Variants in DEFB106B observed in about 807,000 individuals in gnomAD.
The protein encoded by DEFB106B is beta-defensin 106.
intron 1 of DEFB106B, among the ~76,000 whole-genome samples, chr8:7,484,497 G>A (rs182148447): frequency 0.11 from 9,313 of 86,890 alleles, 326 homozygotes; most frequent in African/African-American, 0.17. Context: ...TGTATACTAT[G>A]CTATATACTA....
chr8:7,484,215 T>G (rs1270848047), intron 1 of DEFB106B, among the ~76,000 whole-genome samples: 1 of 137,024 alleles, frequency 7.3e-6, no homozygotes, highest in African/African-American at 2.7e-5. Flanking sequence ...TATACTAGTG[T>G]ATTATACTAG....
At chr8:7,484,470 A>T (rs1191707846) in intron 1 of DEFB106B, among the ~76,000 whole-genome samples, 1 of 140,188 alleles carries the variant, frequency 7.1e-6, no homozygotes, top group Non-Finnish European at 1.5e-5. Flanking sequence ...GCTATATACT[A>T]GAGTATTATA....
intron 1 of DEFB106B, among the ~76,000 whole-genome samples, chr8:7,484,405 T>C (rs1441496023): frequency 1.3e-5 from 2 of 148,332 alleles, no homozygotes; most frequent in African/African-American, 5.0e-5. Context: ...TTGTGTATTA[T>C]ACTAGTATAT....
chr8:7,485,928 AC>A (rs1445386834), intron 1 of DEFB106B, among the ~76,000 whole-genome samples: 58 of 110,418 alleles, frequency 5.3e-4, no homozygotes, highest in African/African-American at 1.9e-3. Context: ...AGTCCAAGTT[AC>A]GCTGCTTTAC....
chr8:7,484,865 C>A (rs1456251008), intron 1 of DEFB106B, among the ~76,000 whole-genome samples: 6 of 46,688 alleles, frequency 1.3e-4, no homozygotes, highest in African/African-American at 5.0e-4. Context: ...GAGTGAGACT[C>A]TATCTCAAAA....
intron 1 of DEFB106B, among the ~76,000 whole-genome samples, chr8:7,484,291 AT>A (rs1274534331): frequency 3.5e-5 from 5 of 143,918 alleles, no homozygotes; most frequent in Non-Finnish European, 4.5e-5. Context: ...ATGCTAGAGT[AT>A]TATACTAGTA....
At chr8:7,484,444 C>G (rs1429471771) in intron 1 of DEFB106B, among the ~76,000 whole-genome samples, 1 of 144,644 alleles carries the variant, frequency 6.9e-6, no homozygotes, top group South Asian at 2.2e-4. Flanking sequence ...GAGTATTATA[C>G]TAGTATGTAT....
chr8:7,483,824 G>C (rs1239872523), intron 1 of DEFB106B, among the ~76,000 whole-genome samples: 1 of 132,880 alleles, frequency 7.5e-6, no homozygotes, highest in African/African-American at 3.0e-5. Flanking sequence ...TAGTATCATA[G>C]TATAGATTAG....
At chr8:7,484,535 T>TA (rs1811416707) in intron 1 of DEFB106B, among the ~76,000 whole-genome samples, 1 of 122,812 alleles carries the variant, frequency 8.1e-6, no homozygotes, top group Non-Finnish European at 1.7e-5. Flanking sequence ...ATATACTATA[T>TA]TACATACTAG....
chr8:7,483,902 T>C (rs1811374308), intron 1 of DEFB106B, among the ~76,000 whole-genome samples: 3 of 131,342 alleles, frequency 2.3e-5, no homozygotes, highest in Admixed American at 1.6e-4. Flanking sequence ...AGTATTATAC[T>C]AGTATATATA....
intron 1 of DEFB106B, among the ~76,000 whole-genome samples, chr8:7,484,327 T>C (rs1811400880): frequency 1.3e-5 from 2 of 148,280 alleles, no homozygotes. Context: ...TATACTAGTG[T>C]ATGTACTAGT....
At chr8:7,483,855 GTAT>G (rs1811372619) in intron 1 of DEFB106B, among the ~76,000 whole-genome samples, 2 of 132,982 alleles carry the variant, frequency 1.5e-5, no homozygotes, top group Admixed American at 7.8e-5. Context: ...AAAAATACTA[GTAT>G]TATAGTATAT....
chr8:7,482,957 C>T (rs1448090953), intron 1 of DEFB106B, among the ~76,000 whole-genome samples: 3 of 148,718 alleles, frequency 2.0e-5, no homozygotes, highest in African/African-American at 7.5e-5. Flanking sequence ...GGAAAGAATA[C>T]ATTTGTCTTC....
intron 1 of DEFB106B, among the ~76,000 whole-genome samples, chr8:7,485,159 A>C (rs201850744): frequency 0.078 from 1,776 of 22,860 alleles, 6 homozygotes; most frequent in East Asian, 0.17. Context: ...TAATAATTAT[A>C]GTAACTAATT....
intron 1 of DEFB106B, among the ~76,000 whole-genome samples, chr8:7,485,025 A>G (rs1183154112): frequency 1.5e-5 from 1 of 66,382 alleles, no homozygotes; most frequent in African/African-American, 7.4e-5. Flanking sequence ...TAAACCAAAA[A>G]GATTTTCTCT....
chr8:7,484,888 AT>A (rs1811437010), intron 1 of DEFB106B, among the ~76,000 whole-genome samples: 1 of 17,930 alleles, frequency 5.6e-5, no homozygotes, highest in Non-Finnish European at 1.7e-4. Context: ...AAAAAAAAAT[AT>A]GTATATATAT....
intron 1 of DEFB106B, among the ~76,000 whole-genome samples, chr8:7,484,515 A>T: frequency 7.2e-6 from 1 of 139,830 alleles, no homozygotes; most frequent in Non-Finnish European, 1.5e-5. Flanking sequence ...CTAGAGTATT[A>T]TACTAGTATA....
intron 1 of DEFB106B, among the ~76,000 whole-genome samples, chr8:7,484,049 A>G (rs1811381249): frequency 7.5e-6 from 1 of 132,912 alleles, no homozygotes; most frequent in Non-Finnish European, 1.6e-5. Context: ...ACTACTAGTA[A>G]TAATATAGTA....
intron 1 of DEFB106B, among the ~76,000 whole-genome samples, chr8:7,483,948 T>C (rs2128880364): frequency 7.8e-6 from 1 of 127,498 alleles, no homozygotes; most frequent in African/African-American, 3.0e-5. Flanking sequence ...GTAGTATATA[T>C]ACTATATACC....
Sources: gnomAD v4.1 joint callset for allele counts (sites outside exome capture counted in the v4.1 genomes callset) on GRCh38, gnomAD v4.1.1 for gene constraint, MANE v1.5 for transcripts, NCBI Gene and HGNC (gene_info 2026-07-23, HGNC 2026-07-21) for gene names.